The following HGD variants were observed in gnomAD, a reference collection of about 807,000 sequenced individuals.
HGD encodes the protein homogentisate oxidase.
Under a neutral mutation model 60.8 loss-of-function variants are expected in HGD, and 61 were observed. That is an observed-to-expected ratio of 1.00 (90% CI 0.82 to 1.24). The LOEUF (loss-of-function observed/expected upper bound fraction) is 1.24, where lower values mean the gene tolerates loss of function less well. Among genes scored for constraint, HGD ranks in the 50% most tolerant of loss-of-function variants. The pLI is 0.00. For missense variants in HGD, 542 were observed against 547.1 expected (o/e 0.99, Z 0.09); for synonymous variants, 212 against 187.7 (o/e 1.13, Z -1.06).
intron 1 of HGD, among the ~76,000 whole-genome samples, chr3:120,676,225 C>T (rs532144332): frequency 1.5e-4 from 23 of 152,188 alleles, no homozygotes; most frequent in Non-Finnish European, 2.8e-4. Context: ...GTGTGTGGGT[C>T]CAACCCTGAC....
chr3:120,644,738 G>T, intron 9 of HGD: 1 of 736,752 alleles, frequency 1.4e-6, no homozygotes, highest in Non-Finnish European at 2.0e-6. Flanking sequence ...GAAGGGAAGA[G>T]AGAAAGAGAA....
chr3:120,630,551 C>T (rs929747451), intron 13 of HGD, among the ~76,000 whole-genome samples: 13 of 151,926 alleles, frequency 8.6e-5, no homozygotes, highest in African/African-American at 3.1e-4. Flanking sequence ...ATAAATCATG[C>T]TGGGACAACT....
chr3:120,674,783 T>A (rs1220934531), intron 3 of HGD, 118 bp downstream of exon 3: 5 of 742,268 alleles, frequency 6.7e-6, no homozygotes, highest in Non-Finnish European at 1.2e-5. Flanking sequence ...GACCATAGCC[T>A]ATAAGAAGCA....
At chr3:120,642,639 A>G (rs1941024519) in intron 10 of HGD, among the ~76,000 whole-genome samples, 1 of 152,220 alleles carries the variant, frequency 6.6e-6, no homozygotes, top group Non-Finnish European at 1.5e-5. Context: ...ACAGTTGGAC[A>G]GAAGCGTGCA....
intron 10 of HGD, among the ~76,000 whole-genome samples, chr3:120,643,826 C>T (rs1169454220): frequency 1.3e-5 from 2 of 152,012 alleles, no homozygotes; most frequent in Non-Finnish European, 2.9e-5. Flanking sequence ...TCCTGAATTG[C>T]CAGCCTGGTG....
chr3:120,661,080 A>T (rs1307884641), intron 4 of HGD, among the ~76,000 whole-genome samples: 2 of 152,222 alleles, frequency 1.3e-5, no homozygotes, highest in African/African-American at 4.8e-5. Context: ...CTGATGGTTT[A>T]GAACAGTTAA....
intron 10 of HGD, chr3:120,641,935 T>C (rs566280379): frequency 4.6e-5 from 24 of 525,226 alleles, no homozygotes; most frequent in Admixed American, 6.1e-5. Context: ...TGATCACACA[T>C]GCAGCAGAAA....
chr3:120,675,700 A>G (rs1708114337), intron 2 of HGD, 92 bp downstream of exon 2: 6 of 926,810 alleles, frequency 6.5e-6, no homozygotes, highest in Non-Finnish European at 9.0e-6. Flanking sequence ...GCTAGATTGG[A>G]AGAGCCACGG....
At chr3:120,670,945 G>A (rs1045146320) in intron 3 of HGD, among the ~76,000 whole-genome samples, 9 of 152,168 alleles carry the variant, frequency 5.9e-5, no homozygotes, top group African/African-American at 1.9e-4. Flanking sequence ...TGAGTTCTAC[G>A]CAGCTTGAGA....
At chr3:120,650,941 G>A (rs1941324214) in intron 5 of HGD, 76 bp from the exon 6 acceptor site, 1 of 1,079,114 alleles carries the variant, frequency 9.3e-7, no homozygotes, top group Non-Finnish European at 1.4e-6. Context: ...TGGTCCCTGA[G>A]GGTCATGAGG....
intron 4 of HGD, among the ~76,000 whole-genome samples, chr3:120,669,051 C>T (rs755020102): frequency 6.6e-6 from 1 of 152,000 alleles, no homozygotes; most frequent in Non-Finnish European, 1.5e-5. Flanking sequence ...GAGAAAACGC[C>T]CACTATTACT....
intron 3 of HGD, among the ~76,000 whole-genome samples, chr3:120,673,179 ACCT>A (rs1708058101): frequency 1.3e-5 from 2 of 152,140 alleles, no homozygotes; most frequent in Admixed American, 1.3e-4. Flanking sequence ...GGTGAGCCAT[ACCT>A]AGTGTCCCTT....
intron 12 of HGD, among the ~76,000 whole-genome samples, chr3:120,637,018 A>G (rs1940803436): frequency 6.6e-6 from 1 of 152,242 alleles, no homozygotes; most frequent in Admixed American, 6.5e-5. Flanking sequence ...AGAATTGCAC[A>G]TTGACCTTTG....
intron 10 of HGD, among the ~76,000 whole-genome samples, chr3:120,643,074 T>C (rs1373642046): frequency 6.6e-6 from 1 of 152,230 alleles, no homozygotes; most frequent in Non-Finnish European, 1.5e-5. Flanking sequence ...TAGGTTTCCA[T>C]GTCCCATCTC....
intron 7 of HGD, among the ~76,000 whole-genome samples, 158 bp from the exon 8 acceptor site, chr3:120,647,210 T>G (rs1317966218): frequency 2.0e-5 from 3 of 152,220 alleles, no homozygotes; most frequent in African/African-American, 7.2e-5. Context: ...CAACTTAGAT[T>G]AGCTATTTTC....
At position 120,633,308 on chromosome 3, in the gene HGD, T is replaced by G. The variant is rs755078457; in HGVS notation, c.1027A>C (p.Met343Leu). The G allele has an allele frequency of 4.9e-5, 79 of 1,614,070 alleles. No individual in the cohort carries two copies. The East Asian group carries it at 1.6e-3, about 33-fold the overall frequency. Residue 343 changes from methionine to leucine, a missense_variant, in exon 13 of 14, where the codon ATG (methionine) becomes CTG (leucine). Met to Leu is a conservative substitution (Grantham distance 15, BLOSUM62 2). Coordinates refer to ENST00000283871, the MANE Select transcript of HGD (RefSeq NM_000187.4). Reference sequence around the variant, plus strand: ...TCATAGTGACCTCGGATGAGTCCCATGAACTCACTCATGCAGTTCCCTGGG... The same window carrying G: ...TCATAGTGACCTCGGATGAGTCCCAGGAACTCACTCATGCAGTTCCCTGGG... ...YYHRNCMSEF[M>L]GLIRGHYEAK...
At chr3:120,639,088 C>T (rs964479128) in intron 11 of HGD, among the ~76,000 whole-genome samples, 2 of 152,166 alleles carry the variant, frequency 1.3e-5, no homozygotes, top group Admixed American at 6.5e-5. Flanking sequence ...TGTTAAACCC[C>T]TTTTTCTTTA....
chr3:120,669,209 T>C (rs1012711725), intron 4 of HGD, among the ~76,000 whole-genome samples: 4 of 152,038 alleles, frequency 2.6e-5, no homozygotes, highest in Non-Finnish European at 4.4e-5. Flanking sequence ...AGGCCTCTCT[T>C]CAAAGATGTC....
chr3:120,676,453 G>T (rs141671076), intron 1 of HGD, among the ~76,000 whole-genome samples: 209 of 152,164 alleles, frequency 1.4e-3, no homozygotes, highest in African/African-American at 4.6e-3. Flanking sequence ...GAAAAAAAAA[G>T]TTAAAGGGTT....
Sources: gnomAD v4.1 joint callset for allele counts (sites outside exome capture counted in the v4.1 genomes callset) on GRCh38, gnomAD v4.1.1 for gene constraint, MANE v1.5 for transcripts, NCBI Gene and HGNC (gene_info 2026-07-23, HGNC 2026-07-21) for gene names.